Variants in KCNJ4 observed in about 807,000 individuals in gnomAD.
KCNJ4 encodes the protein inward rectifier potassium channel 4.
KCNJ4 carries 3 observed loss-of-function variants against 25.6 expected under a neutral mutation model. The observed-to-expected ratio is 0.12, with a 90% CI of 0.05 to 0.30. The LOEUF (loss-of-function observed/expected upper bound fraction) is 0.30, where lower values mean the gene tolerates loss of function less well. Among genes scored for constraint, KCNJ4 ranks in the 10% least tolerant of loss-of-function variants. The pLI, the probability that KCNJ4 is intolerant of heterozygous loss-of-function variation, is 1.00. For synonymous variants in KCNJ4, 257 were observed against 283.9 expected, an observed-to-expected ratio of 0.91 and a Z score of 0.95; for missense variants, 286 against 666.8, an observed-to-expected ratio of 0.43 and a Z score of 6.29.
At chr22:38,450,884 C>CG (rs2089406696) in intron 1 of KCNJ4, among the ~76,000 whole-genome samples, 2 of 151,976 alleles carry the variant, frequency 1.3e-5, no homozygotes, top group Non-Finnish European at 2.9e-5. Flanking sequence ...GCCCCAGCCC[C>CG]AGGGAGGAAC....
chr22:38,440,714 A>G (rs893069928), intron 1 of KCNJ4, among the ~76,000 whole-genome samples: 14 of 152,132 alleles, frequency 9.2e-5, no homozygotes, highest in African/African-American at 3.1e-4. Context: ...GCTTGGAGCT[A>G]CCAGGATGGT....
At chr22:38,432,986 G>A (rs2093054791) in intron 1 of KCNJ4, among the ~76,000 whole-genome samples, 3 of 151,514 alleles carry the variant, frequency 2.0e-5, no homozygotes, top group African/African-American at 7.3e-5. Flanking sequence ...AAAGATCAAT[G>A]GTACTGCTGT....
chr22:38,434,735 C>A (rs1203563143), intron 1 of KCNJ4, among the ~76,000 whole-genome samples: 2 of 152,306 alleles, frequency 1.3e-5, no homozygotes, highest in South Asian at 4.2e-4. Flanking sequence ...GCCTCACTGT[C>A]TATCTGCAGC....
At chr22:38,451,039 A>G (rs2089407582) in intron 1 of KCNJ4, among the ~76,000 whole-genome samples, 2 of 152,156 alleles carry the variant, frequency 1.3e-5, no homozygotes, top group Admixed American at 6.5e-5. Context: ...CCTTCCATCT[A>G]TAACACGGGG....
intron 1 of KCNJ4, among the ~76,000 whole-genome samples, chr22:38,440,782 C>T (rs565454325): frequency 6.0e-4 from 91 of 152,172 alleles, no homozygotes; most frequent in Non-Finnish European, 1.0e-3. Context: ...GTGAAGAGTC[C>T]GCAGGGTTTG....
chr22:38,426,837 G>T lies in KCNJ4; in HGVS notation c.1296C>A (p.Leu432=), dbSNP rs762295854. ...HLDLERMQAS[L]PLDNISYRRE... ...TGCGGTAGGAGATGTTGTCCAGCGG[G>T]AGGGAAGCCTGCATGCGCTCCAGGT... Residue 432 remains leucine, a synonymous_variant, in exon 2 of 2, where the codon CTC becomes CTA. Transcript: ENST00000303592. 6.2e-7 allele frequency: 1 copy of T among 1,613,456 alleles called. No homozygotes were observed. The highest frequency in any genetic ancestry group is 8.5e-7 in the Non-Finnish European group (1 of 1,179,900).
At position 38,428,117 on chromosome 22, in the gene KCNJ4, G is replaced by A; in HGVS notation, c.16C>T (p.Arg6Cys). 9 of 1,611,608 alleles carry A rather than the reference G, an allele frequency of 5.6e-6. No homozygotes were observed. Among genetic ancestry groups the A allele is most frequent in the Non-Finnish European group, 7.6e-6 (9 of 1,178,686 alleles). ...CGGGGCACGTGGGCCTGGCCGTTGC[G>A]GCTGTGTCCGTGCATGTCCTGAAGC... is the stretch of plus-strand genomic sequence containing the variant. Reference protein sequence around the residue: MHGHSRNGQAHVPRRK... With the variant: MHGHSCNGQAHVPRRK... Residue 6 changes from arginine (R) to cysteine (C), a missense_variant, in exon 2 of 2, where the codon CGC becomes TGC. Transcript: ENST00000303592.
At chr22:38,431,835 G>A in intron 1 of KCNJ4, among the ~76,000 whole-genome samples, 1 of 152,212 alleles carries the variant, frequency 6.6e-6, no homozygotes, top group East Asian at 1.9e-4. Flanking sequence ...CAACCACCAG[G>A]AGATGGCCAG....
At chr22:38,437,384 C>T (rs1377861832) in intron 1 of KCNJ4, among the ~76,000 whole-genome samples, 1 of 152,236 alleles carries the variant, frequency 6.6e-6, no homozygotes, top group Non-Finnish European at 1.5e-5. Context: ...ATACCTGTGC[C>T]CATCTTCCCC....
chr22:38,433,176 G>A (rs879304822), intron 1 of KCNJ4, among the ~76,000 whole-genome samples: 4 of 152,120 alleles, frequency 2.6e-5, no homozygotes, highest in Non-Finnish European at 5.9e-5. Context: ...GGCCGGGTGC[G>A]GTGGCTCACG....
At chr22:38,452,142 C>T (rs2089413600) in intron 1 of KCNJ4, among the ~76,000 whole-genome samples, 1 of 152,218 alleles carries the variant, frequency 6.6e-6, no homozygotes, top group Non-Finnish European at 1.5e-5. Flanking sequence ...AAATCCAGGG[C>T]TCCCTCCTCT....
intron 1 of KCNJ4, among the ~76,000 whole-genome samples, chr22:38,447,103 G>C (rs1048839336): frequency 2.6e-5 from 4 of 152,140 alleles, no homozygotes; most frequent in African/African-American, 9.7e-5. Context: ...TCCCAGTCAC[G>C]GGCCTCGCCT....
At chr22:38,435,513 T>C (rs1379571550) in intron 1 of KCNJ4, among the ~76,000 whole-genome samples, 1 of 151,924 alleles carries the variant, frequency 6.6e-6, no homozygotes, top group East Asian at 1.9e-4. Context: ...GCCAACATGG[T>C]GAAACCCTGT....
chr22:38,444,755 G>A (rs892251875), intron 1 of KCNJ4, among the ~76,000 whole-genome samples: 9 of 152,266 alleles, frequency 5.9e-5, no homozygotes, highest in Middle Eastern at 3.4e-3. Context: ...GGGGGGCCAC[G>A]GGCTGCATGC....
chr22:38,438,876 G>T (rs1276745144), intron 1 of KCNJ4, among the ~76,000 whole-genome samples: 1 of 152,192 alleles, frequency 6.6e-6, no homozygotes. Context: ...GGGCTGGCGG[G>T]CTGTCAGGCT....
At chr22:38,446,375 C>A (rs114632723) in intron 1 of KCNJ4, among the ~76,000 whole-genome samples, 3,582 of 152,322 alleles carry the variant, frequency 0.024, 144 homozygotes, top group African/African-American at 0.082. Context: ...CAGAGAGAGG[C>A]CCTTTCCAAG....
In KCNJ4 at chr22:38,450,420, A is replaced by T. The variant is rs1034233723; in HGVS notation, c.-40+4560T>A. Among the ~76,000 whole-genome samples, 9 of 152,292 alleles carry T rather than the reference A, an allele frequency of 5.9e-5. No individual in the cohort carries two copies. In the East Asian group the frequency reaches 1.7e-3, roughly 29 times the overall value. ...CCTAAGGTCACACAGAGAGCCACCC[A>T]AGGAAGTTGTCTCCAAGACCCTCTC... is the stretch of plus-strand genomic sequence containing the variant. On this transcript the variant is annotated intron_variant, in intron 1 of 1. Transcript: ENST00000303592.
rs60276995 is a variant in KCNJ4, at chr22:38,432,256, A to AAAATAAATAAATAAATAAATAAAT, written c.-39-4109_-39-4086dup. 8.0e-4 allele frequency among the ~76,000 whole-genome samples: 114 copies of AAAATAAATAAATAAATAAATAAAT among 142,702 alleles called. 1 individual carries two copies. Among genetic ancestry groups the AAAATAAATAAATAAATAAATAAAT allele is most frequent in the African/African-American group, 3.0e-3 (103 of 34,602 alleles). The allele number at this position is 142,702 out of a possible 152,430, so 93.6% of individuals were successfully genotyped here. ...GGGTGACACAGAGAGACTCCATCTC[A>AAAATAAATAAATAAATAAATAAAT]AAATAAATAAATAAATAAATAAATA... On this transcript the variant is annotated intron_variant, in intron 1 of 1. Coordinates refer to ENST00000303592, the MANE Select transcript of KCNJ4 (RefSeq NM_152868.3).
At chr22:38,451,791 C>T (rs1210407147) in intron 1 of KCNJ4, among the ~76,000 whole-genome samples, 7 of 152,086 alleles carry the variant, frequency 4.6e-5, no homozygotes, top group Admixed American at 2.0e-4. Context: ...CTGCTTCCTC[C>T]GCCCACAAAC....
Sources: gnomAD v4.1 joint callset for allele counts (sites outside exome capture counted in the v4.1 genomes callset) on GRCh38, gnomAD v4.1.1 for gene constraint, MANE v1.5 for transcripts, NCBI Gene and HGNC (gene_info 2026-07-23, HGNC 2026-07-21) for gene names.